The following NDUFAF2 variants were observed in gnomAD, a reference collection of about 807,000 sequenced individuals.
NDUFAF2 encodes the protein NADH:ubiquinone oxidoreductase complex assembly factor 2.
Under a neutral mutation model 22.8 loss-of-function variants are expected in NDUFAF2, and 13 were observed. The ratio of observed to expected loss-of-function variants is 0.57; its 90% CI spans 0.37 to 0.91. The LOEUF (loss-of-function observed/expected upper bound fraction) is 0.91, where lower values mean the gene tolerates loss of function less well. NDUFAF2 is among the 40% of genes least tolerant of loss of function. NDUFAF2 has a pLI of 0.01. For synonymous variants in NDUFAF2, 53 were observed against 64.2 expected, an observed-to-expected ratio of 0.83 and a Z score of 0.84; for missense variants, 162 against 195.2, an observed-to-expected ratio of 0.83 and a Z score of 1.01.
rs866508003 is a variant in NDUFAF2 at position 61,145,455 on chromosome 5, C to T, written c.259-7249C>T. ...AATATATAAATTCAAACATTAAATA[C>T]ATGCAAGTTGAGCAGCTCAAATTCG... On this transcript the variant is annotated intron_variant, in intron 3 of 3. Transcript: ENST00000296597. Among the ~76,000 whole-genome samples the T allele has an allele frequency of 1.1e-4, 17 of 152,212 alleles. No individual in the cohort carries two copies. In the Middle Eastern group the frequency reaches 0.01, roughly 91 times the overall value.
chr5:61,109,060 T>G (rs926592432), intron 3 of NDUFAF2, among the ~76,000 whole-genome samples: 2 of 152,190 alleles, frequency 1.3e-5, no homozygotes, highest in Non-Finnish European at 2.9e-5. Flanking sequence ...TGGACGTTTT[T>G]AACAATATTT....
chr5:61,124,058 A>G (rs1753006484), intron 3 of NDUFAF2, among the ~76,000 whole-genome samples: 1 of 152,122 alleles, frequency 6.6e-6, no homozygotes. Context: ...AATTTGCTAC[A>G]TAAAGGGAAC....
intron 2 of NDUFAF2, among the ~76,000 whole-genome samples, chr5:61,077,499 G>A (rs1752384304): frequency 6.6e-6 from 1 of 152,200 alleles, no homozygotes; most frequent in South Asian, 2.1e-4. Flanking sequence ...AAGAAGTATA[G>A]CAAGAGAGAA....
intron 3 of NDUFAF2, among the ~76,000 whole-genome samples, chr5:61,119,581 C>G (rs1486941487): frequency 2.0e-5 from 3 of 152,142 alleles, no homozygotes; most frequent in African/African-American, 7.2e-5. Context: ...GGTCAACATC[C>G]CATTTTTTTA....
At chr5:61,108,953 G>C (rs1026882817) in intron 3 of NDUFAF2, among the ~76,000 whole-genome samples, 1 of 152,126 alleles carries the variant, frequency 6.6e-6, no homozygotes, top group African/African-American at 2.4e-5. Context: ...GTCTTCTGTG[G>C]TTCCATAATA....
intron 3 of NDUFAF2, among the ~76,000 whole-genome samples, chr5:61,109,278 A>G (rs1318338623): frequency 2.0e-5 from 3 of 152,126 alleles, no homozygotes; most frequent in Non-Finnish European, 4.4e-5. Context: ...TAGAAATGCT[A>G]TTGATTTTGT....
At position 61,040,190 on chromosome 5, in the gene NDUFAF2, TG is replaced by T. The variant is rs1247642205; in HGVS notation, c.128-32932del. 2.0e-5 allele frequency among the ~76,000 whole-genome samples: 3 copies of T among 151,278 alleles called. No homozygotes were observed. In the East Asian group the frequency reaches 5.9e-4, roughly 30 times the overall value. On this transcript the variant is annotated intron_variant, in intron 1 of 3. Transcript: ENST00000296597. Reference sequence around the variant, plus strand: ...GTTTGTCTATACAGTTAAGTTAAGATGGGATCAGATTATGGTCGACTCTAAA... The same window carrying T: ...GTTTGTCTATACAGTTAAGTTAAGATGGATCAGATTATGGTCGACTCTAAA...
At chr5:61,016,593 CAG>C (rs1257054114) in intron 1 of NDUFAF2, among the ~76,000 whole-genome samples, 2 of 152,134 alleles carry the variant, frequency 1.3e-5, no homozygotes, top group East Asian at 3.9e-4. Context: ...ATTGTCTTGA[CAG>C]AGTATATTTC....
intron 2 of NDUFAF2, among the ~76,000 whole-genome samples, chr5:61,087,721 C>A (rs905448447): frequency 4.6e-5 from 7 of 152,186 alleles, no homozygotes; most frequent in African/African-American, 1.7e-4. Context: ...TTCCCAGCAG[C>A]TTTATTCATA....
chr5:61,141,709 A>G (rs527354481), intron 3 of NDUFAF2, among the ~76,000 whole-genome samples: 88 of 152,164 alleles, frequency 5.8e-4, no homozygotes, highest in African/African-American at 2.0e-3. Flanking sequence ...ACATGAATGA[A>G]TAAGTATATC....
chr5:61,029,609 A>C (rs1751698349), intron 1 of NDUFAF2, among the ~76,000 whole-genome samples: 1 of 152,126 alleles, frequency 6.6e-6, no homozygotes, highest in Non-Finnish European at 1.5e-5. Context: ...AATTTTTTGA[A>C]GTACTATTGT....
intron 3 of NDUFAF2, among the ~76,000 whole-genome samples, chr5:61,133,417 AT>A (rs1003655775): frequency 6.6e-6 from 1 of 152,200 alleles, no homozygotes; most frequent in Middle Eastern, 3.2e-3. Flanking sequence ...ACAAAGAAAA[AT>A]AGAGAAATAT....
At chr5:61,066,116 AATAACATAAG>A (rs1752224556) in intron 1 of NDUFAF2, among the ~76,000 whole-genome samples, 1 of 152,080 alleles carries the variant, frequency 6.6e-6, no homozygotes, top group Admixed American at 6.6e-5. Context: ...GACAGCATTA[AATAACATAAG>A]ATACTAAGGA....
At chr5:61,070,482 T>C (rs572799138) in intron 1 of NDUFAF2, among the ~76,000 whole-genome samples, 1 of 152,230 alleles carries the variant, frequency 6.6e-6, no homozygotes, top group South Asian at 2.1e-4. Flanking sequence ...TTTATATTAC[T>C]AAAGATGTAT....
At chr5:61,088,282 G>A (rs1402837954) in intron 2 of NDUFAF2, among the ~76,000 whole-genome samples, 5 of 152,044 alleles carry the variant, frequency 3.3e-5, no homozygotes, top group Admixed American at 3.3e-4. Flanking sequence ...AATCACATGA[G>A]CACATATATC....
At chr5:61,101,989 G>A (rs901969548) in intron 3 of NDUFAF2, among the ~76,000 whole-genome samples, 14 of 152,072 alleles carry the variant, frequency 9.2e-5, no homozygotes, top group Non-Finnish European at 2.1e-4. Flanking sequence ...TGGACCCCAA[G>A]CTTAGAGTTT....
At chr5:60,964,380 G>A (rs2112569363) in intron 1 of NDUFAF2, among the ~76,000 whole-genome samples, 1 of 151,550 alleles carries the variant, frequency 6.6e-6, no homozygotes, top group African/African-American at 2.4e-5. Flanking sequence ...ATTAACATAT[G>A]TATTACCTCA....
intron 1 of NDUFAF2, among the ~76,000 whole-genome samples, chr5:61,026,074 A>G (rs1474137246): frequency 6.6e-6 from 1 of 152,138 alleles, no homozygotes; most frequent in Non-Finnish European, 1.5e-5. Context: ...AAATTCAAAC[A>G]TGAGGAAATT....
chr5:60,963,504 G>A (rs1236305389), intron 1 of NDUFAF2, among the ~76,000 whole-genome samples: 12 of 152,130 alleles, frequency 7.9e-5, no homozygotes, highest in Admixed American at 7.2e-4. Context: ...GATTATAGGC[G>A]ATTGCTTGTA....
Sources: allele counts gnomAD v4.1 joint callset (sites outside exome capture counted in the v4.1 genomes callset), GRCh38; gene constraint gnomAD v4.1.1; transcripts MANE v1.5; gene names NCBI Gene and HGNC (gene_info 2026-07-23, HGNC 2026-07-21).